Variants in GRID1 observed in about 807,000 individuals in gnomAD.
GRID1 encodes glutamate ionotropic receptor delta type subunit 1, also known as glutamate receptor ionotropic, delta-1.
In GRID1, 28 loss-of-function variants were observed where a neutral mutation model predicts 98.0. The ratio of observed to expected loss-of-function variants is 0.29; its 90% CI spans 0.21 to 0.39. GRID1 has a LOEUF of 0.39. Ranked by LOEUF, GRID1 falls within the 10% of genes least tolerant of loss-of-function variation. The pLI, the probability that GRID1 is intolerant of heterozygous loss-of-function variation, is 1.00. For missense variants in GRID1, 1,111 were observed against 1,340.5 expected, an observed-to-expected ratio of 0.83 and a Z score of 2.67; for synonymous variants, 553 against 538.5, an observed-to-expected ratio of 1.03 and a Z score of -0.37.
intron 12 of GRID1, among the ~76,000 whole-genome samples, chr10:85,658,394 A>G (rs1840927180): frequency 6.6e-6 from 1 of 152,164 alleles, no homozygotes; most frequent in Non-Finnish European, 1.5e-5. Flanking sequence ...TCATAAAGTT[A>G]TTATTTCTAC....
At chr10:85,739,118 T>C (rs1841915163) in intron 8 of GRID1, among the ~76,000 whole-genome samples, 1 of 152,060 alleles carries the variant, frequency 6.6e-6, no homozygotes, top group Non-Finnish European at 1.5e-5. Flanking sequence ...TTAAATATAG[T>C]TAAGGTTTAT....
At chr10:85,863,354 C>G (rs74884993) in intron 6 of GRID1, among the ~76,000 whole-genome samples, 7 of 152,138 alleles carry the variant, frequency 4.6e-5, no homozygotes, top group African/African-American at 1.4e-4. Context: ...GGCTCCCCCC[C>G]TCATCACCTC....
intron 2 of GRID1, among the ~76,000 whole-genome samples, chr10:86,361,230 C>T (rs1390844929): frequency 1.3e-5 from 2 of 152,230 alleles, no homozygotes; most frequent in African/African-American, 4.8e-5. Context: ...CTGCTGAGCA[C>T]TGCTCTGCCC....
At chr10:85,617,806 A>T (rs74956373) in intron 14 of GRID1, among the ~76,000 whole-genome samples, 5,118 of 152,298 alleles carry the variant, frequency 0.034, 123 homozygotes, top group Non-Finnish European at 0.047. Context: ...AGAGCAACCC[A>T]TGGGGTCTCT....
intron 4 of GRID1, among the ~76,000 whole-genome samples, chr10:85,924,247 A>G (rs1297180141): frequency 6.6e-6 from 1 of 152,234 alleles, no homozygotes; most frequent in Non-Finnish European, 1.5e-5. Flanking sequence ...ACTCTGGTAA[A>G]CAAAACCCAT....
chr10:85,691,663 C>T (rs1458279922), intron 12 of GRID1, among the ~76,000 whole-genome samples: 1 of 152,218 alleles, frequency 6.6e-6, no homozygotes, highest in Non-Finnish European at 1.5e-5. Flanking sequence ...TAGTTCGCAT[C>T]TATTACAATC....
At chr10:86,149,303 C>G (rs1845129582) in intron 3 of GRID1, among the ~76,000 whole-genome samples, 1 of 152,234 alleles carries the variant, frequency 6.6e-6, no homozygotes, top group Admixed American at 6.5e-5. Flanking sequence ...ACCCAGGAGC[C>G]TTCTGCTCAG....
At chr10:85,998,094 C>T (rs1482974878) in intron 4 of GRID1, among the ~76,000 whole-genome samples, 1 of 151,918 alleles carries the variant, frequency 6.6e-6, no homozygotes, top group Non-Finnish European at 1.5e-5. Context: ...ATTTAATAGA[C>T]AAAAAAATTA....
At chr10:86,275,439 GCATCAGA>G (rs1847254693) in intron 2 of GRID1, among the ~76,000 whole-genome samples, 1 of 151,842 alleles carries the variant, frequency 6.6e-6, no homozygotes, top group Non-Finnish European at 1.5e-5. Context: ...GGAAGCCCAG[GCATCAGA>G]CTTACTAGAT....
At chr10:86,076,345 A>G (rs989620263) in intron 4 of GRID1, among the ~76,000 whole-genome samples, 5 of 152,234 alleles carry the variant, frequency 3.3e-5, no homozygotes, top group Non-Finnish European at 7.3e-5. Flanking sequence ...AAGATATGAT[A>G]AAAATGTGGA....
chr10:86,119,478 GTA>G (rs150780048), intron 4 of GRID1, among the ~76,000 whole-genome samples: 182 of 152,202 alleles, frequency 1.2e-3, no homozygotes, highest in African/African-American at 4.0e-3. Flanking sequence ...TGGGTGTGGG[GTA>G]TATGAGAACT....
chr10:85,890,687 T>G (rs1841187791), intron 5 of GRID1, among the ~76,000 whole-genome samples: 1 of 152,218 alleles, frequency 6.6e-6, no homozygotes, highest in Non-Finnish European at 1.5e-5. Context: ...TGTTGTGCTA[T>G]CTTCCTAGCT....
intron 4 of GRID1, among the ~76,000 whole-genome samples, chr10:86,072,479 CG>C (rs1843818480): frequency 6.6e-6 from 1 of 152,020 alleles, no homozygotes; most frequent in Admixed American, 6.6e-5. Flanking sequence ...ACTACTCTTT[CG>C]TTTTTTTTTA....
At chr10:86,218,646 G>A (rs1279870425) in intron 2 of GRID1, among the ~76,000 whole-genome samples, 1 of 152,130 alleles carries the variant, frequency 6.6e-6, no homozygotes, top group Non-Finnish European at 1.5e-5. Flanking sequence ...TCACCTGTTG[G>A]CCCCTATCTA....
At chr10:85,857,617 T>C (rs1224532118) in intron 6 of GRID1, among the ~76,000 whole-genome samples, 1 of 152,152 alleles carries the variant, frequency 6.6e-6, no homozygotes, top group Non-Finnish European at 1.5e-5. Context: ...CCCCCACTGA[T>C]AACTGTTGCA....
intron 3 of GRID1, among the ~76,000 whole-genome samples, chr10:86,165,366 C>T (rs573807157): frequency 2.0e-5 from 3 of 152,286 alleles, no homozygotes; most frequent in Non-Finnish European, 4.4e-5. Context: ...CCTGAATAGC[C>T]CTTTTTCTGT....
At chr10:85,698,369 AATAC>A (rs748873820) in intron 12 of GRID1, among the ~76,000 whole-genome samples, 2 of 152,212 alleles carry the variant, frequency 1.3e-5, no homozygotes, top group Non-Finnish European at 2.9e-5. Context: ...TTTATCCACA[AATAC>A]ATCTTTTAAG....
At chr10:86,024,546 C>A (rs1462536127) in intron 4 of GRID1, among the ~76,000 whole-genome samples, 1 of 152,202 alleles carries the variant, frequency 6.6e-6, no homozygotes, top group African/African-American at 2.4e-5. Flanking sequence ...AAAGTCACTG[C>A]GAGGAGCCTC....
intron 13 of GRID1, among the ~76,000 whole-genome samples, chr10:85,638,484 G>A (rs1239579473): frequency 6.6e-6 from 1 of 151,994 alleles, no homozygotes; most frequent in Middle Eastern, 3.2e-3. Context: ...TTTTTTATTG[G>A]CATAAGAATA....
Sources: allele counts gnomAD v4.1 joint callset (sites outside exome capture counted in the v4.1 genomes callset), GRCh38; gene constraint gnomAD v4.1.1; transcripts MANE v1.5; gene names NCBI Gene and HGNC (gene_info 2026-07-23, HGNC 2026-07-21).